The following KCNN2 variants were observed in gnomAD, a reference collection of about 807,000 sequenced individuals.
KCNN2 encodes the protein potassium calcium-activated channel subfamily N member 2.
Under a neutral mutation model 55.5 loss-of-function variants are expected in KCNN2, and 24 were observed. The ratio of observed to expected loss-of-function variants is 0.43; its 90% CI spans 0.31 to 0.61. The LOEUF (loss-of-function observed/expected upper bound fraction) is 0.61. KCNN2 is among the 20% of genes least tolerant of loss of function. The pLI, the probability that KCNN2 is intolerant of heterozygous loss-of-function variation, is 0.08. For missense variants in KCNN2, 754 were observed against 853.6 expected, an observed-to-expected ratio of 0.88 and a Z score of 1.45; for synonymous variants, 431 against 336.1, an observed-to-expected ratio of 1.28 and a Z score of -3.09.
Position 114,362,851 on chromosome 5 carries a change from G to A in KCNN2, c.712G>A (p.Glu238Lys). Reference sequence around the variant, plus strand: ...GAGCGCGTCCCGCCGGAACCTGCACGAGATGGACTCAGAGGCGCAGCCCCT... The same window carrying A: ...GAGCGCGTCCCGCCGGAACCTGCACAAGATGGACTCAGAGGCGCAGCCCCT... ...NLSASRRNLHEMDSEAQPLQP... is the reference protein window; with the variant it reads ...NLSASRRNLHKMDSEAQPLQP... Residue 238 changes from glutamate (E) to lysine (K), a missense_variant, in exon 1 of 8, where the codon GAG becomes AAG. Coordinates refer to ENST00000673685, the MANE Select transcript of KCNN2 (RefSeq NM_021614.4). The A allele has an allele frequency of 6.2e-7, 1 of 1,600,032 alleles. No homozygotes were observed. Among genetic ancestry groups the A allele is most frequent in the Middle Eastern group, 1.7e-4 (1 of 6,058 alleles).
chr5:114,373,071 GTTTTTATCAGTCCTTTTATTTTT>G (rs1253520248), intron 2 of KCNN2, among the ~76,000 whole-genome samples: 1 of 152,072 alleles, frequency 6.6e-6, no homozygotes, highest in Admixed American at 6.6e-5. Flanking sequence ...TCTTCCAAAA[GTTTTTATCAGTCCTTTTATTTTT>G]TAAATGCTTT....
At chr5:114,405,277 C>A (rs1371419035) in intron 3 of KCNN2, among the ~76,000 whole-genome samples, 1 of 152,168 alleles carries the variant, frequency 6.6e-6, no homozygotes, top group Non-Finnish European at 1.5e-5. Context: ...TAGGGAATAT[C>A]TTAAAGCGGT....
intron 2 of KCNN2, among the ~76,000 whole-genome samples, chr5:114,299,240 C>T (rs1004893225): frequency 2.6e-5 from 4 of 152,102 alleles, no homozygotes; most frequent in Non-Finnish European, 4.4e-5. Flanking sequence ...TACAGGTCTT[C>T]TCATTCACAC....
intron 1 of KCNN2, 53 bp downstream of exon 1, chr5:114,363,314 G>A: frequency 2.0e-6 from 3 of 1,504,982 alleles, no homozygotes; most frequent in African/African-American, 1.4e-5. Context: ...TGGGTGGTTG[G>A]GATGGGCACT....
intron 3 of KCNN2, among the ~76,000 whole-genome samples, chr5:114,418,515 G>A (rs1018453505): frequency 1.3e-5 from 2 of 151,998 alleles, no homozygotes; most frequent in African/African-American, 4.8e-5. Context: ...GTTGCCTTAC[G>A]GGCTCTCAGC....
At chr5:114,257,288 A>T (rs1755003187) in intron 2 of KCNN2, among the ~76,000 whole-genome samples, 1 of 152,064 alleles carries the variant, frequency 6.6e-6, no homozygotes, top group Admixed American at 6.6e-5. Flanking sequence ...AAGTCAGGTA[A>T]TATGATACCT....
chr5:114,083,390 T>C (rs1750865906), intron 1 of KCNN2, among the ~76,000 whole-genome samples: 1 of 152,084 alleles, frequency 6.6e-6, no homozygotes, highest in African/African-American at 2.4e-5. Context: ...TTCAAAGCTG[T>C]AAATTTCCCC....
At chr5:114,188,338 C>T (rs1035005184) in intron 1 of KCNN2, among the ~76,000 whole-genome samples, 1 of 152,118 alleles carries the variant, frequency 6.6e-6, no homozygotes, top group African/African-American at 2.4e-5. Context: ...GATGGCCACA[C>T]ATTCATTTCT....
At chr5:114,380,517 A>C (rs1264325364) in intron 2 of KCNN2, among the ~76,000 whole-genome samples, 3 of 152,238 alleles carry the variant, frequency 2.0e-5, no homozygotes, top group South Asian at 2.1e-4. Flanking sequence ...CAACCTTTTA[A>C]TAGGTGTGAG....
chr5:114,119,736 A>G (rs548670737), intron 1 of KCNN2, among the ~76,000 whole-genome samples: 1 of 152,278 alleles, frequency 6.6e-6, no homozygotes, highest in African/African-American at 2.4e-5. Flanking sequence ...CTGCTCTGAT[A>G]TTTGAAAATC....
chr5:114,322,620 C>A (rs1203186562), intron 2 of KCNN2, among the ~76,000 whole-genome samples: 1 of 151,390 alleles, frequency 6.6e-6, no homozygotes, highest in Non-Finnish European at 1.5e-5. Flanking sequence ...CACTTGATTC[C>A]AGGACAGCTG....
chr5:114,092,680 T>G (rs1175963375), intron 1 of KCNN2, among the ~76,000 whole-genome samples: 1 of 152,184 alleles, frequency 6.6e-6, no homozygotes, highest in Non-Finnish European at 1.5e-5. Flanking sequence ...TCAGCAGATG[T>G]TCCCAAACCT....
At chr5:114,462,911 A>T in intron 3 of KCNN2, 138 bp from the exon 4 acceptor site, 1 of 784,640 alleles carries the variant, frequency 1.3e-6, no homozygotes, top group Non-Finnish European at 2.0e-6. Flanking sequence ...AATTTTGTTT[A>T]TATTCACAAG....
intron 7 of KCNN2, among the ~76,000 whole-genome samples, chr5:114,494,266 TTTG>T (rs1748004895): frequency 6.6e-6 from 1 of 151,274 alleles, no homozygotes; most frequent in Admixed American, 6.6e-5. Context: ...ACTGTTTTTT[TTTG>T]TTTGATAAAT....
intron 1 of KCNN2, among the ~76,000 whole-genome samples, chr5:114,212,539 A>G (rs984801185): frequency 1.3e-5 from 2 of 152,076 alleles, no homozygotes; most frequent in Non-Finnish European, 2.9e-5. Context: ...TATATCAATA[A>G]AGCTGTTATA....
Position 114,197,958 on chromosome 5 carries a change from A to G in KCNN2, c.-270-23522A>G, listed in dbSNP as rs183448158. ...TTTAGGACAATTTCCAGGGAATATG[A>G]ATGATTAATGATCTTTTAAGATAAT... On this transcript the variant is annotated intron_variant, in intron 1 of 10. Transcript: ENST00000512097. Among the ~76,000 whole-genome samples the G allele has an allele frequency of 3.3e-5, 5 of 152,268 alleles. No individual in the cohort carries two copies. The East Asian group carries it at 9.7e-4, about 29-fold the overall frequency.
intron 2 of KCNN2, among the ~76,000 whole-genome samples, chr5:114,393,337 G>T (rs1758513062): frequency 6.6e-6 from 1 of 152,106 alleles, no homozygotes; most frequent in Non-Finnish European, 1.5e-5. Context: ...TCAAGGATTT[G>T]TCTTAGTAAG....
intron 4 of KCNN2, among the ~76,000 whole-genome samples, chr5:114,464,388 G>C (rs1220461702): frequency 1.3e-5 from 2 of 152,190 alleles, no homozygotes; most frequent in Non-Finnish European, 2.9e-5. Flanking sequence ...AACGAGTACT[G>C]CAGGTTCCAA....
At chr5:114,354,755 T>A (rs1757268644) in intron 2 of KCNN2, among the ~76,000 whole-genome samples, 1 of 152,116 alleles carries the variant, frequency 6.6e-6, no homozygotes, top group African/African-American at 2.4e-5. Context: ...GAGAAAAAAA[T>A]GTTGTATTTA....
Sources: allele counts gnomAD v4.1 joint callset (sites outside exome capture counted in the v4.1 genomes callset), GRCh38; gene constraint gnomAD v4.1.1; transcripts MANE v1.5; gene names NCBI Gene and HGNC (gene_info 2026-07-23, HGNC 2026-07-21).